Variants in MORF4L1 observed in about 807,000 individuals in gnomAD.
MORF4L1 encodes the protein mortality factor 4-like protein 1.
In MORF4L1, 4 loss-of-function variants were observed where a neutral mutation model predicts 52.9. The ratio of observed to expected loss-of-function variants is 0.08; its 90% confidence interval spans 0.04 to 0.17. The LOEUF (loss-of-function observed/expected upper bound fraction) is 0.17, where lower values mean the gene tolerates loss of function less well. Ranked by LOEUF, MORF4L1 falls within the 10% of genes least tolerant of loss-of-function variation. The probability of loss-of-function intolerance (pLI) is 1.00; values close to 1 mark genes in which losing one functional copy is unlikely to be tolerated. For synonymous variants in MORF4L1, 123 were observed against 134.8 expected, an observed-to-expected ratio of 0.91 and a Z score of 0.61; for missense variants, 214 against 390.4, an observed-to-expected ratio of 0.55 and a Z score of 3.81.
At chr15:78,879,512 C>T (rs1470646131) in intron 2 of MORF4L1, among the ~76,000 whole-genome samples, 1 of 152,044 alleles carries the variant, frequency 6.6e-6, no homozygotes, top group Non-Finnish European at 1.5e-5. Context: ...GAGCCATTGC[C>T]CCTTGGGAGA....
chr15:78,876,171 C>T (rs1353844492), intron 1 of MORF4L1, among the ~76,000 whole-genome samples: 3 of 151,752 alleles, frequency 2.0e-5, no homozygotes, highest in Non-Finnish European at 4.4e-5. Flanking sequence ...CTCCTGACCT[C>T]GTGATCCGCC....
At chr15:78,888,631 TTTGGGAGGCTGAG>T (rs1276110407) in intron 5 of MORF4L1, among the ~76,000 whole-genome samples, 1 of 152,148 alleles carries the variant, frequency 6.6e-6, no homozygotes, top group Non-Finnish European at 1.5e-5. Flanking sequence ...CACCCAGTGC[TTTGGGAGGCTGAG>T]GTGGGAGGGA....
In MORF4L1 at chr15:78,894,807, C is replaced by T; in HGVS notation, c.803-13C>T. 2.5e-6 allele frequency: 4 copies of T among 1,602,192 alleles called. No homozygotes were observed. Among genetic ancestry groups the T allele is most frequent in the Non-Finnish European group, 3.4e-6 (4 of 1,169,634 alleles). ...TTGGATGTAACTTTGGATAAATTCT[C>T]TTGTTTAAACAGTACGAATTGGAGC... On this transcript the variant is annotated splice_polypyrimidine_tract_variant and intron_variant, in intron 10 of 11. Transcript: ENST00000426013.
intron 11 of MORF4L1, among the ~76,000 whole-genome samples, chr15:78,895,957 TC>T (rs1218407662): frequency 5.3e-5 from 8 of 152,098 alleles, no homozygotes; most frequent in Admixed American, 5.2e-4. Flanking sequence ...CATTTCACGT[TC>T]CCTTTTATGT....
At chr15:78,877,157 C>T (rs11632720) in intron 1 of MORF4L1, among the ~76,000 whole-genome samples, 41,358 of 136,882 alleles carry the variant, frequency 0.3, 7,577 homozygotes, top group Middle Eastern at 0.44. Context: ...GCGGCTCCTT[C>T]TCACCCAGGC....
rs1293886251 is a variant in MORF4L1 at position 78,873,137 on chromosome 15, C to CCGGGGGCGG, written c.40+83_40+91dup. On this transcript the variant is annotated intron_variant, in intron 1 of 11. Transcript: ENST00000426013. ...GCTCGAGGTGATTGAGGCTTGAGGG[C>CCGGGGGCGG]CGGGGGCGGCGCGGGCTGCGCCCTG... 7.8e-5 allele frequency: 120 copies of CCGGGGGCGG among 1,543,276 alleles called. 1 individual carries two copies. Among genetic ancestry groups the CCGGGGGCGG allele is most frequent in the Non-Finnish European group, 1.0e-4 (117 of 1,144,472 alleles).
At chr15:78,893,127 A>C (rs540066264) in intron 8 of MORF4L1, 1 of 156,524 alleles carries the variant, frequency 6.4e-6, no homozygotes, top group South Asian at 1.9e-4. Context: ...TTAATGCTTT[A>C]GACTAGATCT....
intron 1 of MORF4L1, among the ~76,000 whole-genome samples, chr15:78,876,991 G>A (rs897633894): frequency 6.6e-6 from 1 of 152,020 alleles, no homozygotes; most frequent in East Asian, 1.9e-4. Flanking sequence ...CCGGGCTGGA[G>A]TGCAGTGGTG....
chr15:78,892,753 C>G (rs574618052), intron 8 of MORF4L1: 1 of 153,950 alleles, frequency 6.5e-6, no homozygotes, highest in East Asian at 1.9e-4. Flanking sequence ...AATGGAGTGA[C>G]ATGTTTGTCA....
At chr15:78,882,482 T>C (rs1031330195) in intron 3 of MORF4L1, among the ~76,000 whole-genome samples, 19 of 152,332 alleles carry the variant, frequency 1.2e-4, no homozygotes, top group African/African-American at 4.6e-4. Context: ...CTAAATGGAT[T>C]CTAATATCTA....
chr15:78,890,482 C>G (rs115088200), intron 5 of MORF4L1, among the ~76,000 whole-genome samples: 4,358 of 150,744 alleles, frequency 0.029, 238 homozygotes, highest in African/African-American at 0.1. Context: ...TCTTGGTTTG[C>G]TTTTCTTTTT....
chr15:78,879,912 A>G (rs937476374), intron 2 of MORF4L1, among the ~76,000 whole-genome samples: 1 of 152,228 alleles, frequency 6.6e-6, no homozygotes, highest in Non-Finnish European at 1.5e-5. Flanking sequence ...CAATTTTCGA[A>G]TTGAAGCTAT....
chr15:78,884,847 C>T (rs2056670665), intron 3 of MORF4L1: 2 of 553,346 alleles, frequency 3.6e-6, no homozygotes, highest in South Asian at 1.0e-4. Context: ...ATTTTCAAAC[C>T]TCATTGGAAT....
chr15:78,887,677 A>G (rs2056729469), intron 5 of MORF4L1, among the ~76,000 whole-genome samples: 1 of 152,246 alleles, frequency 6.6e-6, no homozygotes, highest in Non-Finnish European at 1.5e-5. Context: ...CAAGTGCTAA[A>G]AATACATACG....
At chr15:78,873,797 C>T (rs1018954538) in intron 1 of MORF4L1, 3 of 152,372 alleles carry the variant, frequency 2.0e-5, no homozygotes. Context: ...CTGGAGGCAT[C>T]ACTCTGCTAT....
intron 3 of MORF4L1, among the ~76,000 whole-genome samples, chr15:78,884,208 A>AAAAAAAC (rs1555439758): frequency 0.018 from 2,586 of 146,686 alleles, 84 homozygotes; most frequent in African/African-American, 0.063. Flanking sequence ...CATCTCAAAA[A>AAAAAAAC]AAAAAACAAA....
In MORF4L1 at chr15:78,873,035, C is replaced by T; in HGVS notation, c.18C>T (p.Asp6=). MAPKQ[D]PKPKFQEGER... is the part of the protein sequence containing the mutation. Reference sequence around the variant, plus strand: ...ACTTATAAATGGCGCCGAAGCAGGACCCGAAGCCTAAATTCCAGGAGGGTG... The same window carrying T: ...ACTTATAAATGGCGCCGAAGCAGGATCCGAAGCCTAAATTCCAGGAGGGTG... Residue 6 remains aspartate (D), a synonymous_variant, in exon 1 of 12, where the codon GAC becomes GAT. Coordinates refer to ENST00000426013, the MANE Select transcript of MORF4L1 (RefSeq NM_006791.4). 2 of 1,552,828 alleles carry T rather than the reference C, an allele frequency of 1.3e-6. No individual in the cohort carries two copies. The highest frequency in any genetic ancestry group is 8.7e-7 in the Non-Finnish European group (1 of 1,147,422).
chr15:78,883,574 AT>A (rs1435677082), intron 3 of MORF4L1, among the ~76,000 whole-genome samples: 3 of 152,140 alleles, frequency 2.0e-5, no homozygotes, highest in Non-Finnish European at 2.9e-5. Context: ...GTTTGTGTAG[AT>A]TTTTTTGTTC....
At chr15:78,894,971 T>C in intron 11 of MORF4L1, 67 bp downstream of exon 11, 2 of 1,255,892 alleles carry the variant, frequency 1.6e-6, no homozygotes, top group South Asian at 1.2e-5. Flanking sequence ...GGATTGGCAG[T>C]ATAGATGCTA....
Sources: allele counts gnomAD v4.1 joint callset (sites outside exome capture counted in the v4.1 genomes callset), GRCh38; gene constraint gnomAD v4.1.1; transcripts MANE v1.5; gene names NCBI Gene and HGNC (gene_info 2026-07-23, HGNC 2026-07-21).